Variants in CHD2 observed in about 807,000 individuals in gnomAD.
The protein encoded by CHD2 is chromodomain helicase DNA binding protein 2.
A neutral mutation model predicts 243.9 loss-of-function variants in CHD2; 28 were observed. The ratio of observed to expected loss-of-function variants is 0.11; its 90% CI spans 0.09 to 0.16. The LOEUF is 0.16. Among genes scored for constraint, CHD2 ranks in the 10% least tolerant of loss-of-function variants. The pLI, the probability that CHD2 is intolerant of heterozygous loss-of-function variation, is 1.00. For synonymous variants in CHD2, 775 were observed against 779.0 expected (o/e 0.99, Z 0.09); for missense variants, 1,386 against 2,209.8 (o/e 0.63, Z 7.47).
Position 93,026,401 on chromosome 15 carries a change from T to G in CHD2, c.*1696T>G, listed in dbSNP as rs1398183655. 1 of 152,444 alleles carries G rather than the reference T, an allele frequency of 6.6e-6. No individual in the cohort carries two copies. Among genetic ancestry groups the G allele is most frequent in the African/African-American group, 2.4e-5 (1 of 41,466 alleles). 9.4% of individuals were successfully genotyped at this position (152,444 alleles called of 1,614,324 possible). A position where few individuals can be genotyped will look rare whatever the true frequency, so the allele number is the denominator to read the frequency against. The stretch of plus-strand genomic sequence containing the variant: ...GAATGAAGCAGATGTGGCTGTGGTG[T>G]GACCCTTGCTCCCTGCTACACAGAG... On this transcript the variant is annotated 3_prime_UTR_variant, in exon 39 of 39. Coordinates refer to ENST00000394196, the MANE Select transcript of CHD2 (RefSeq NM_001271.4).
rs577607783 is a variant in CHD2, at chr15:92,990,763, A to G, written c.3414-713A>G. Among the ~76,000 whole-genome samples, 26 of 152,264 alleles carry G rather than the reference A, an allele frequency of 1.7e-4. 1 individual carries two copies. The highest frequency in any genetic ancestry group is 6.0e-4 in the African/African-American group (25 of 41,528). On this transcript the variant is annotated intron_variant, in intron 26 of 38. Transcript: ENST00000394196. ...CCCAATTATCATAGTAATTTGGCAT[A>G]TTACATGATGCCCTTAATGTGTCAT...
intron 27 of CHD2, among the ~76,000 whole-genome samples, chr15:92,991,984 CA>C (rs2054126198): frequency 6.6e-6 from 1 of 152,114 alleles, no homozygotes; most frequent in African/African-American, 2.4e-5. Flanking sequence ...TAAAAACTTC[CA>C]AAAGGGTAGC....
intron 2 of CHD2, among the ~76,000 whole-genome samples, chr15:92,914,589 T>C (rs2052799925): frequency 6.6e-6 from 1 of 152,242 alleles, no homozygotes; most frequent in Non-Finnish European, 1.5e-5. Flanking sequence ...AATTTTTTTT[T>C]CTGTCCTTAC....
intron 17 of CHD2, among the ~76,000 whole-genome samples, chr15:92,970,901 T>TA (rs552716470): frequency 6.6e-6 from 1 of 152,208 alleles, no homozygotes; most frequent in Non-Finnish European, 1.5e-5. Context: ...AATGTACTTT[T>TA]ACTATTTTGG....
chr15:92,932,328 G>A (rs4551987), intron 5 of CHD2, among the ~76,000 whole-genome samples: 114,945 of 149,000 alleles, frequency 0.77, 45,703 homozygotes, highest in East Asian at 1. Context: ...GTTCTAGGGT[G>A]TATGTGCACA....
At chr15:92,979,893 G>C (rs1038672299) in intron 22 of CHD2, among the ~76,000 whole-genome samples, 1 of 151,214 alleles carries the variant, frequency 6.6e-6, no homozygotes, top group African/African-American at 2.4e-5. Context: ...AGTCCAGCCT[G>C]GGCGACCGAT....
intron 37 of CHD2, among the ~76,000 whole-genome samples, chr15:93,017,594 G>A (rs2054480833): frequency 7.0e-6 from 1 of 142,302 alleles, no homozygotes; most frequent in Admixed American, 7.8e-5. Context: ...TGATCCATTC[G>A]CCTCAGCCTC....
At chr15:92,942,103 T>C (rs2053390946) in intron 8 of CHD2, 148 bp downstream of exon 8, 1 of 717,776 alleles carries the variant, frequency 1.4e-6, no homozygotes. Context: ...GTTTCAGAGC[T>C]GAGGACAAAG....
At chr15:92,941,015 T>TC (rs1259055695) in intron 7 of CHD2, among the ~76,000 whole-genome samples, 17 of 142,936 alleles carry the variant, frequency 1.2e-4, no homozygotes, top group South Asian at 1.1e-3. Flanking sequence ...ATAATTTTTT[T>TC]TTTTGAGACG....
chr15:93,011,762 G>T (rs767578357), intron 35 of CHD2, among the ~76,000 whole-genome samples: 1 of 152,156 alleles, frequency 6.6e-6, no homozygotes, highest in East Asian at 1.9e-4. Context: ...TGGAATTGGA[G>T]GGAAAAAGCC....
rs540567295 is a variant in CHD2, at chr15:92,965,554, G to A, written c.2001-1771G>A. On this transcript the variant is annotated intron_variant, in intron 16 of 38. Coordinates refer to ENST00000394196, the MANE Select transcript of CHD2 (RefSeq NM_001271.4). Reference sequence around the variant, plus strand: ...ACTCCAGCCTGGGCGACAGAGCCGAGACTCTTTCTCCAAAAAAAAAAAAAA... The same window carrying A: ...ACTCCAGCCTGGGCGACAGAGCCGAAACTCTTTCTCCAAAAAAAAAAAAAA... Among the ~76,000 whole-genome samples the A allele has an allele frequency of 1.7e-4, 21 of 125,366 alleles. No individual in the cohort carries two copies. The South Asian group carries it at 5.5e-3, about 33-fold the overall frequency. 82.2% of individuals were successfully genotyped at this position (125,366 alleles called of 152,430 possible). A position where few individuals can be genotyped will look rare whatever the true frequency, so the allele number is the denominator to read the frequency against.
At chr15:93,009,036 A>G (rs2054357916) in intron 34 of CHD2, 109 bp from the exon 35 acceptor site, 1 of 1,230,544 alleles carries the variant, frequency 8.1e-7, no homozygotes, top group Non-Finnish European at 1.1e-6. Context: ...TCCTCTAGCA[A>G]TTATATGGCA....
intron 26 of CHD2, among the ~76,000 whole-genome samples, chr15:92,988,124 C>G (rs1169334514): frequency 6.6e-6 from 1 of 151,686 alleles, no homozygotes; most frequent in African/African-American, 2.4e-5. Context: ...CTCTTCTCAC[C>G]AAGGCTGGGG....
intron 16 of CHD2, chr15:92,965,108 T>C (rs999867812): frequency 2.0e-5 from 3 of 152,198 alleles, no homozygotes; most frequent in African/African-American, 7.2e-5. Flanking sequence ...GAGACAAATA[T>C]TAAATACAGA....
At chr15:93,023,866 TG>T (rs1014618237) in intron 38 of CHD2, among the ~76,000 whole-genome samples, 2 of 149,820 alleles carry the variant, frequency 1.3e-5, no homozygotes, top group Non-Finnish European at 3.0e-5. Context: ...GGGTTGTTTT[TG>T]TTGTTGAGTT....
At chr15:92,913,442 CTG>C (rs911193211) in intron 2 of CHD2, among the ~76,000 whole-genome samples, 1 of 152,170 alleles carries the variant, frequency 6.6e-6, no homozygotes, top group Non-Finnish European at 1.5e-5. Flanking sequence ...GCTTGTCACT[CTG>C]GGGGTGGGGG....
Position 92,955,465 on chromosome 15 carries a change from A to G in CHD2, c.1762A>G (p.Lys588Glu). The G allele has an allele frequency of 1.3e-6, 2 of 1,598,940 alleles. No homozygotes were observed. Residue 588 changes from lysine (K) to glutamate (E), a missense_variant, in exon 15 of 39, where the codon AAG becomes GAG. Coordinates refer to ENST00000394196, the MANE Select transcript of CHD2 (RefSeq NM_001271.4). ...EWIHSQTKRLKFNALITTYEI... is the reference protein window; with the variant it reads ...EWIHSQTKRLEFNALITTYEI... ...GATTCATTCCCAAACCAAAAGATTG[A>G]AGTTCAACGCACTTATAACAACATA...
rs376498798 is a variant in CHD2, at chr15:92,937,630, A to C, written c.551+5A>C. 45 of 1,606,622 alleles carry C rather than the reference A, an allele frequency of 2.8e-5. No individual in the cohort carries two copies. In the African/African-American group the frequency reaches 4.5e-4, roughly 16 times the overall value. ...CAGAAGACCTGTCCCCAGAAGGTGC[A>C]CTGTTTGCTTAAGATCTCTACTTGG... On this transcript the variant is annotated splice_donor_5th_base_variant and intron_variant, in intron 6 of 38. Coordinates refer to ENST00000394196, the MANE Select transcript of CHD2 (RefSeq NM_001271.4).
chr15:92,926,794 G>A (rs1012596356), intron 3 of CHD2, among the ~76,000 whole-genome samples: 2 of 152,188 alleles, frequency 1.3e-5, no homozygotes, highest in East Asian at 3.9e-4. Context: ...GGAACTTAAA[G>A]AAAAATACAA....
Sources: allele counts gnomAD v4.1 joint callset (sites outside exome capture counted in the v4.1 genomes callset), GRCh38; gene constraint gnomAD v4.1.1; transcripts MANE v1.5; gene names NCBI Gene and HGNC (gene_info 2026-07-23, HGNC 2026-07-21).